Variants in KLHL29 observed in about 807,000 individuals in gnomAD.
KLHL29 encodes kelch like family member 29.
Under a neutral mutation model 80.4 loss-of-function variants are expected in KLHL29, and 21 were observed. That is an observed-to-expected ratio of 0.26 (90% confidence interval 0.19 to 0.38). The LOEUF (loss-of-function observed/expected upper bound fraction) is 0.38, where lower values mean the gene tolerates loss of function less well. Among genes scored for constraint, KLHL29 ranks in the 10% least tolerant of loss-of-function variants. The pLI is 1.00. For missense variants in KLHL29, 867 were observed against 1,223.9 expected, an observed-to-expected ratio of 0.71 and a Z score of 4.35; for synonymous variants, 511 against 526.8, an observed-to-expected ratio of 0.97 and a Z score of 0.41.
intron 6 of KLHL29, among the ~76,000 whole-genome samples, chr2:23,687,657 C>T (rs1671327851): frequency 6.6e-6 from 1 of 152,172 alleles, no homozygotes; most frequent in Admixed American, 6.5e-5. Context: ...GGGGGAGGGT[C>T]ATTCAGAGAG....
chr2:23,530,224 C>G (rs1216799237), intron 2 of KLHL29, among the ~76,000 whole-genome samples: 1 of 152,170 alleles, frequency 6.6e-6, no homozygotes, highest in East Asian at 1.9e-4. Flanking sequence ...CTGGAATCAG[C>G]GAAGTCTTTA....
chr2:23,514,393 G>A (rs937068529), intron 2 of KLHL29, among the ~76,000 whole-genome samples: 1 of 152,196 alleles, frequency 6.6e-6, no homozygotes, highest in African/African-American at 2.4e-5. Flanking sequence ...GCCTCAGGGT[G>A]CAGAGTGCCA....
chr2:23,582,207 T>G (rs1188377312), intron 3 of KLHL29, among the ~76,000 whole-genome samples: 1 of 152,218 alleles, frequency 6.6e-6, no homozygotes, highest in Non-Finnish European at 1.5e-5. Context: ...GGGCTGCTGC[T>G]GTTTTATGGT....
At chr2:23,668,913 A>G (rs1670629884) in intron 5 of KLHL29, 1 of 152,298 alleles carries the variant, frequency 6.6e-6, no homozygotes, top group Admixed American at 6.5e-5. Context: ...CCTCCACAGC[A>G]GAGTGTGGGA....
chr2:23,528,868 T>C (rs1019340303), intron 2 of KLHL29, among the ~76,000 whole-genome samples: 11 of 152,196 alleles, frequency 7.2e-5, no homozygotes, highest in Non-Finnish European at 1.6e-4. Context: ...ACCCTGGCGG[T>C]GCTGCCGTGT....
At chr2:23,568,449 TCACA>T (rs1225759603) in intron 3 of KLHL29, among the ~76,000 whole-genome samples, 1 of 152,220 alleles carries the variant, frequency 6.6e-6, no homozygotes, top group African/African-American at 2.4e-5. Context: ...AGGGTTAGTC[TCACA>T]CACCTGTGGT....
intron 1 of KLHL29, among the ~76,000 whole-genome samples, chr2:23,474,997 A>C (rs1478730425): frequency 6.6e-6 from 1 of 151,522 alleles, no homozygotes; most frequent in Non-Finnish European, 1.5e-5. Flanking sequence ...CCTAGGTATT[A>C]AATCTATAAT....
chr2:23,639,227 C>T lies in KLHL29; in HGVS notation c.374C>T (p.Pro125Leu). Reference sequence around the variant, plus strand: ...CAGACGCCTATCAATCAGTCCACACCCTGGGACACTGATGAGCCACCCTCC... The same window carrying T: ...CAGACGCCTATCAATCAGTCCACACTCTGGGACACTGATGAGCCACCCTCC... ...WGQTPINQST[P>L]WDTDEPPSKQ... The change falls in exon 4 of 14, where the codon CCC becomes CTC. Residue 125 changes from proline (P) to leucine (L), a missense_variant. Physicochemically the swap from Pro to Leu is moderately conservative, Grantham distance 98. This residue lies in a region of KLHL29 where 424 missense variants were observed against 456.9 expected (regional missense o/e 0.93). Coordinates refer to ENST00000486442, the MANE Select transcript of KLHL29 (RefSeq NM_052920.2). 3 of 1,548,972 alleles carry T rather than the reference C, an allele frequency of 1.9e-6. No homozygotes were observed. The South Asian group carries it at 3.6e-5, about 19-fold the overall frequency.
intron 2 of KLHL29, among the ~76,000 whole-genome samples, chr2:23,506,138 A>C (rs72848091): frequency 0.02 from 3,038 of 152,262 alleles, 99 homozygotes; most frequent in African/African-American, 0.068. Flanking sequence ...TGCTGAGAAA[A>C]CAGGCAAACT....
intron 2 of KLHL29, among the ~76,000 whole-genome samples, chr2:23,500,192 AGTGGTGCGTTC>A (rs1312936986): frequency 6.6e-6 from 1 of 152,198 alleles, no homozygotes; most frequent in Non-Finnish European, 1.5e-5. Context: ...GGAAGGACAC[AGTGGTGCGTTC>A]GTGTCAAACA....
At chr2:23,544,881 C>G in intron 2 of KLHL29, among the ~76,000 whole-genome samples, 1 of 152,158 alleles carries the variant, frequency 6.6e-6, no homozygotes, top group East Asian at 1.9e-4. Flanking sequence ...GAGTGAGCAC[C>G]AGGGCCTCAT....
intron 2 of KLHL29, among the ~76,000 whole-genome samples, chr2:23,560,263 C>CTTTTTT (rs67065961): frequency 8.2e-5 from 6 of 73,232 alleles, no homozygotes; most frequent in African/African-American, 2.4e-4. Flanking sequence ...ATTGGATAGG[C>CTTTTTT]TTTTTTTTTT....
At chr2:23,636,178 G>A (rs1363896446) in intron 3 of KLHL29, among the ~76,000 whole-genome samples, 4 of 152,206 alleles carry the variant, frequency 2.6e-5, no homozygotes, top group Non-Finnish European at 4.4e-5. Context: ...CCGCGCTGAC[G>A]CACATCACCA....
intron 1 of KLHL29, among the ~76,000 whole-genome samples, chr2:23,415,415 T>A (rs780787569): frequency 6.6e-6 from 1 of 152,230 alleles, no homozygotes; most frequent in Non-Finnish European, 1.5e-5. Context: ...TTCTTTCTTT[T>A]GTGAAGCGAA....
In KLHL29 at chr2:23,681,620, C is replaced by G. The variant is rs1430834898; in HGVS notation, c.941-2779C>G. Among the ~76,000 whole-genome samples, 1 of 152,184 alleles carries G rather than the reference C, an allele frequency of 6.6e-6. No homozygotes were observed. The highest frequency in any genetic ancestry group is 1.5e-5 in the Non-Finnish European group (1 of 68,014). ...TGCAGCATGACACCCAGGGGGCTACCAAGCAGGTGTCTCTGCCCTTCTGTG... is the reference window on the plus strand; with the variant it reads ...TGCAGCATGACACCCAGGGGGCTACGAAGCAGGTGTCTCTGCCCTTCTGTG... On this transcript the variant is annotated intron_variant, in intron 5 of 13. Coordinates refer to ENST00000486442, the MANE Select transcript of KLHL29 (RefSeq NM_052920.2). This position sits in a 1 kb window ranked among gnomAD's most constrained non-coding sequence, Gnocchi z 4.2.
chr2:23,630,425 T>C (rs1669439535), intron 3 of KLHL29, among the ~76,000 whole-genome samples: 1 of 152,178 alleles, frequency 6.6e-6, no homozygotes, highest in South Asian at 2.1e-4. Flanking sequence ...TCTGAAGGTC[T>C]TGTGATAAAA....
intron 1 of KLHL29, among the ~76,000 whole-genome samples, chr2:23,410,802 G>A (rs1181545588): frequency 6.6e-6 from 1 of 151,992 alleles, no homozygotes; most frequent in Non-Finnish European, 1.5e-5. Context: ...TAAAAGAGAC[G>A]TAAACACGGG....
intron 11 of KLHL29, among the ~76,000 whole-genome samples, chr2:23,698,992 A>AGAT (rs1390058197): frequency 6.6e-6 from 1 of 152,256 alleles, no homozygotes; most frequent in Admixed American, 6.5e-5. Flanking sequence ...CTTAAAAAGC[A>AGAT]GATATCTGAA....
chr2:23,526,805 G>A (rs941419220), intron 2 of KLHL29, among the ~76,000 whole-genome samples: 1 of 152,124 alleles, frequency 6.6e-6, no homozygotes, highest in Admixed American at 6.5e-5. Flanking sequence ...AGCTCGAAAC[G>A]GCCACAGTGG....
Sources: allele counts gnomAD v4.1 joint callset (sites outside exome capture counted in the v4.1 genomes callset), GRCh38; gene constraint gnomAD v4.1.1; regional missense constraint gnomAD v4.1.1; non-coding constraint Gnocchi (gnomAD v3.1); transcripts MANE v1.5; gene names NCBI Gene and HGNC (gene_info 2026-07-23, HGNC 2026-07-21).